Variants in NCKAP5 observed in about 807,000 individuals in gnomAD.
NCKAP5 encodes nck-associated protein 5.
In NCKAP5, 92 loss-of-function variants were observed where a neutral mutation model predicts 167.0. That is an observed-to-expected ratio of 0.55 (90% confidence interval 0.47 to 0.66). NCKAP5 has a LOEUF of 0.66. NCKAP5 is among the 30% of genes least tolerant of loss of function. The pLI is 0.00. For missense variants in NCKAP5, 2,378 were observed against 2,315.0 expected (o/e 1.03, Z -0.56); for synonymous variants, 891 against 877.4 (o/e 1.02, Z -0.27).
chr2:133,627,478 A>G, the NCKAP5 span, among the ~76,000 whole-genome samples: 1 of 152,188 alleles, frequency 6.6e-6, no homozygotes, highest in African/African-American at 2.4e-5. Context: ...AATATACATT[A>G]AGAAACATTT....
intron 6 of NCKAP5, among the ~76,000 whole-genome samples, chr2:132,999,476 T>C (rs1375097000): frequency 6.6e-6 from 1 of 152,174 alleles, no homozygotes; most frequent in Non-Finnish European, 1.5e-5. Context: ...GTTTCCAGTG[T>C]CTCAAGAGCT....
chr2:133,555,150 G>C lies in NCKAP5; in HGVS notation c.-62+3900C>G, dbSNP rs140513144. Reference sequence around the variant, plus strand: ...TCGGTAGCATGAACTGCTTCACCCTGTGTTCCATTGGGACTCTATAATGAA... The same window carrying C: ...TCGGTAGCATGAACTGCTTCACCCTCTGTTCCATTGGGACTCTATAATGAA... On this transcript the variant is annotated intron_variant, in intron 2 of 19. Coordinates refer to ENST00000409261, the MANE Select transcript of NCKAP5 (RefSeq NM_207363.3). Among the ~76,000 whole-genome samples the C allele has an allele frequency of 1.3e-3, 202 of 152,302 alleles. 1 individual carries two copies. The highest frequency in any genetic ancestry group is 5.1e-4 in the Non-Finnish European group (35 of 68,028).
intron 9 of NCKAP5, among the ~76,000 whole-genome samples, chr2:132,875,607 A>T (rs1691203485): frequency 6.6e-6 from 1 of 152,150 alleles, no homozygotes. Flanking sequence ...ATGTTATTTT[A>T]CTTATTTTAC....
intron 6 of NCKAP5, among the ~76,000 whole-genome samples, chr2:133,056,176 T>C (rs1028072917): frequency 6.6e-5 from 10 of 152,192 alleles, no homozygotes; most frequent in African/African-American, 2.4e-4. Context: ...TTGTTTCTTT[T>C]ATGCCTATCC....
Position 133,093,535 on chromosome 2 carries a change from G to C in NCKAP5, c.341+36443C>G, listed in dbSNP as rs181111529. Among the ~76,000 whole-genome samples the C allele has an allele frequency of 1.3e-4, 20 of 152,246 alleles. No homozygotes were observed. The East Asian group carries it at 3.5e-3, about 26-fold the overall frequency. On this transcript the variant is annotated intron_variant, in intron 6 of 19. Coordinates refer to ENST00000409261, the MANE Select transcript of NCKAP5 (RefSeq NM_207363.3). ...GGGAACAAACCCTTCTCTCTGCAAG[G>C]TTTTTATAATTAAACATCATGACAT...
At chr2:133,512,318 G>C (rs577762728) in intron 3 of NCKAP5, among the ~76,000 whole-genome samples, 2 of 152,034 alleles carry the variant, frequency 1.3e-5, no homozygotes, top group African/African-American at 4.8e-5. Flanking sequence ...CTGCCTGCCC[G>C]CATATCACAT....
intron 11 of NCKAP5, among the ~76,000 whole-genome samples, chr2:132,808,933 C>T (rs2105251430): frequency 6.6e-6 from 1 of 152,100 alleles, no homozygotes; most frequent in African/African-American, 2.4e-5. Flanking sequence ...TTAGCACTGC[C>T]TTTGCTGTAT....
chr2:132,703,258 G>A (rs949818118), intron 19 of NCKAP5, among the ~76,000 whole-genome samples: 1 of 152,118 alleles, frequency 6.6e-6, no homozygotes, highest in Non-Finnish European at 1.5e-5. Context: ...AAAAATAAAT[G>A]ACATGCTCAA....
At chr2:133,612,820 G>A in the NCKAP5 span, among the ~76,000 whole-genome samples, 95,627 of 152,038 alleles carry the variant, frequency 0.63, 31,200 homozygotes, top group Middle Eastern at 0.78. Flanking sequence ...CTTTAAGACA[G>A]GTTGACTGGA....
intron 12 of NCKAP5, among the ~76,000 whole-genome samples, chr2:132,790,789 C>CT (rs796932805): frequency 2.0e-4 from 31 of 152,300 alleles, no homozygotes; most frequent in African/African-American, 7.2e-4. Context: ...ATTGCAAGCA[C>CT]TAAACGAGGG....
At chr2:133,608,727 C>A in the NCKAP5 span, among the ~76,000 whole-genome samples, 1 of 152,224 alleles carries the variant, frequency 6.6e-6, no homozygotes, top group Non-Finnish European at 1.5e-5. Context: ...CCACCCTCAC[C>A]TTTCCAATTC....
chr2:133,644,190 T>G, the NCKAP5 span, among the ~76,000 whole-genome samples: 1 of 152,200 alleles, frequency 6.6e-6, no homozygotes, highest in Non-Finnish European at 1.5e-5. Context: ...TAAAGCAGAT[T>G]GCCCTCATTA....
At chr2:132,973,243 C>T (rs1303829069) in intron 7 of NCKAP5, among the ~76,000 whole-genome samples, 1 of 152,142 alleles carries the variant, frequency 6.6e-6, no homozygotes, top group East Asian at 1.9e-4. Flanking sequence ...GTATATATCA[C>T]ACTCGGACAC....
intron 8 of NCKAP5, among the ~76,000 whole-genome samples, chr2:132,929,334 T>C (rs1482470931): frequency 6.6e-6 from 1 of 152,242 alleles, no homozygotes; most frequent in Non-Finnish European, 1.5e-5. Context: ...TCTAACACTA[T>C]GACTGTTTGA....
chr2:133,162,825 A>C (rs1274804181), intron 5 of NCKAP5, among the ~76,000 whole-genome samples: 1 of 152,202 alleles, frequency 6.6e-6, no homozygotes, highest in Non-Finnish European at 1.5e-5. Context: ...CTGCAGTTAA[A>C]ATAACTGTGT....
At chr2:133,318,179 C>T (rs955098603) in intron 3 of NCKAP5, among the ~76,000 whole-genome samples, 1 of 152,148 alleles carries the variant, frequency 6.6e-6, no homozygotes, top group South Asian at 2.1e-4. Flanking sequence ...CAGTCAATTG[C>T]CAATCATACA....
intron 7 of NCKAP5, among the ~76,000 whole-genome samples, chr2:132,968,790 A>C (rs1032897918): frequency 6.6e-6 from 1 of 152,190 alleles, no homozygotes; most frequent in Non-Finnish European, 1.5e-5. Context: ...GCTCATTTGA[A>C]AGTTTGGCAG....
chr2:133,652,348 T>A, the NCKAP5 span, among the ~76,000 whole-genome samples: 1 of 152,182 alleles, frequency 6.6e-6, no homozygotes, highest in Non-Finnish European at 1.5e-5. Context: ...ATTAATTCCT[T>A]AAGAAAGAAC....
intron 6 of NCKAP5, among the ~76,000 whole-genome samples, chr2:133,006,467 C>G (rs2077970622): frequency 6.6e-6 from 1 of 152,110 alleles, no homozygotes; most frequent in South Asian, 2.1e-4. Context: ...CTAAACAGGC[C>G]ACATGCTGTC....
Sources: gnomAD v4.1 joint callset for allele counts (sites outside exome capture counted in the v4.1 genomes callset) on GRCh38, gnomAD v4.1.1 for gene constraint, MANE v1.5 for transcripts, NCBI Gene and HGNC (gene_info 2026-07-23, HGNC 2026-07-21) for gene names.